NAA50: variants seen among roughly 807,000 people sequenced by gnomAD.
NAA50 encodes the protein N-alpha-acetyltransferase 50, NatE catalytic subunit, also known as N-alpha-acetyltransferase 50.
A neutral mutation model predicts 20.7 loss-of-function variants in NAA50; 7 were observed. The ratio of observed to expected loss-of-function variants is 0.34; its 90% confidence interval spans 0.19 to 0.63. The LOEUF is 0.63. Among genes scored for constraint, NAA50 ranks in the 30% least tolerant of loss-of-function variants. The pLI, the probability that NAA50 is intolerant of heterozygous loss-of-function variation, is 0.75. For synonymous variants in NAA50, 54 were observed against 70.6 expected (o/e 0.77, Z 1.18); for missense variants, 111 against 199.1 (o/e 0.56, Z 2.66).
Position 113,721,910 on chromosome 3 carries a change from T to C in NAA50, c.360A>G (p.Ala120=), listed in dbSNP as rs775371220. Residue 120 remains alanine, a synonymous_variant, in exon 5 of 5, where the codon GCA becomes GCG. Coordinates refer to ENST00000240922, the MANE Select transcript of NAA50 (RefSeq NM_025146.4). The part of the protein sequence containing the change: ...YLHVQISNES[A]IDFYRKFGFE... ...AGCCAAACTTCCTGTAGAAGTCAATTGCCGACTCATTGCTGATCTGGACAT... is the reference window on the plus strand; with the variant it reads ...AGCCAAACTTCCTGTAGAAGTCAATCGCCGACTCATTGCTGATCTGGACAT... 2.5e-6 allele frequency: 4 copies of C among 1,613,788 alleles called. No homozygotes were observed. Among genetic ancestry groups the C allele is most frequent in the Non-Finnish European group, 1.7e-6 (2 of 1,179,796 alleles).
chr3:113,724,811 G>A (rs554216096), intron 1 of NAA50, among the ~76,000 whole-genome samples: 3 of 152,190 alleles, frequency 2.0e-5, no homozygotes, highest in African/African-American at 7.2e-5. Context: ...TCTCGTGATA[G>A]TGAGTTCTCA....
At chr3:113,731,534 T>C (rs1708273245) in intron 1 of NAA50, among the ~76,000 whole-genome samples, 1 of 152,190 alleles carries the variant, frequency 6.6e-6, no homozygotes, top group South Asian at 2.1e-4. Flanking sequence ...CAGTGATTTT[T>C]TTACTATAAA....
At chr3:113,723,563 T>C (rs367628786) in intron 2 of NAA50, 22 bp from the exon 3 acceptor site, 3 of 1,593,064 alleles carry the variant, frequency 1.9e-6, no homozygotes, top group Non-Finnish European at 2.6e-6. Context: ...AACATAAAGA[T>C]ATAATGTTGA....
intron 1 of NAA50, among the ~76,000 whole-genome samples, chr3:113,732,998 TTTTG>T (rs1708290308): frequency 6.6e-6 from 1 of 152,134 alleles, no homozygotes; most frequent in Non-Finnish European, 1.5e-5. Flanking sequence ...TTGAGTATGT[TTTTG>T]TATGGCTATT....
At position 113,721,207 on chromosome 3, in the gene NAA50, A is replaced by G. The variant is rs1486531388; in HGVS notation, c.*553T>C. The stretch of plus-strand genomic sequence containing the variant: ...AAGATATAATTACTTAAAAATCAAC[A>G]TAAGCTTAGTATTTCTTACAAGGAT... On this transcript the variant is annotated 3_prime_UTR_variant, in exon 5 of 5. Coordinates refer to ENST00000240922, the MANE Select transcript of NAA50 (RefSeq NM_025146.4). The G allele has an allele frequency of 6.5e-6, 1 of 153,208 alleles. No homozygotes were observed. The allele number at this position is 153,208 out of a possible 1,614,324, so 9.5% of individuals were successfully genotyped here.
In NAA50 at chr3:113,720,201, A is replaced by C. The variant is rs1168874836; in HGVS notation, c.*1559T>G. Reference sequence around the variant, plus strand: ...TTTCACATTCTCAAATAAAAACTTAAGGTTATAAAGTGTGCATAAACATTT... The same window carrying C: ...TTTCACATTCTCAAATAAAAACTTACGGTTATAAAGTGTGCATAAACATTT... On this transcript the variant is annotated 3_prime_UTR_variant, in exon 5 of 5. Transcript: ENST00000240922. The C allele has an allele frequency of 1.3e-5, 2 of 152,618 alleles. No individual in the cohort carries two copies. The highest frequency in any genetic ancestry group is 4.8e-5 in the African/African-American group (2 of 41,460). 9.5% of individuals were successfully genotyped at this position (152,618 alleles called of 1,614,324 possible).
intron 1 of NAA50, among the ~76,000 whole-genome samples, chr3:113,740,398 G>A (rs952346664): frequency 1.3e-5 from 2 of 152,172 alleles, no homozygotes; most frequent in Non-Finnish European, 2.9e-5. Context: ...GTCTCCCTCT[G>A]TCACCCAGGC....
In NAA50 at chr3:113,719,054, ATTC is replaced by A. The variant is rs1435549529; in HGVS notation, c.*2703_*2705del. On this transcript the variant is annotated 3_prime_UTR_variant, in exon 5 of 5. Transcript: ENST00000240922. ...AGCAATGTTAAAATTGACAAGTTTA[ATTC>A]TTAACTGCACCAAGTAAACTTAGCC... is the stretch of plus-strand genomic sequence containing the variant. 6.5e-6 allele frequency: 1 copy of A among 152,680 alleles called. No homozygotes were observed. Among genetic ancestry groups the A allele is most frequent in the East Asian group, 1.9e-4 (1 of 5,204 alleles). 9.5% of individuals were successfully genotyped at this position (152,680 alleles called of 1,614,324 possible).
chr3:113,727,442 ATTTC>A (rs1708213525), intron 1 of NAA50, among the ~76,000 whole-genome samples: 1 of 152,136 alleles, frequency 6.6e-6, no homozygotes, highest in Admixed American at 6.5e-5. Context: ...AATACCAGGT[ATTTC>A]TTGACTTCAT....
chr3:113,716,703 C>G lies in NAA50; in HGVS notation c.*5057G>C, dbSNP rs1179951372. 6.6e-6 allele frequency: 1 copy of G among 152,164 alleles called. No homozygotes were observed. Among genetic ancestry groups the G allele is most frequent in the Non-Finnish European group, 1.5e-5 (1 of 68,032 alleles). 9.4% of individuals were successfully genotyped at this position (152,164 alleles called of 1,614,324 possible). A position where few individuals can be genotyped will look rare whatever the true frequency, so the allele number is the denominator to read the frequency against. On this transcript the variant is annotated 3_prime_UTR_variant, in exon 5 of 5. Coordinates refer to ENST00000240922, the MANE Select transcript of NAA50 (RefSeq NM_025146.4). The stretch of plus-strand genomic sequence containing the variant: ...GCTTAGATCCTTTGAGTTCAGATGT[C>G]TTGAGTTTTTGAGGACAGTAAAACA...
chr3:113,726,840 G>A (rs906993548), intron 1 of NAA50, among the ~76,000 whole-genome samples: 1 of 152,066 alleles, frequency 6.6e-6, no homozygotes. Context: ...AGACAGGGTT[G>A]CTCTGTTGCC....
rs1304648529 is a variant in NAA50 at position 113,719,197 on chromosome 3, G to A, written c.*2563C>T. On this transcript the variant is annotated 3_prime_UTR_variant, in exon 5 of 5. Coordinates refer to ENST00000240922, the MANE Select transcript of NAA50 (RefSeq NM_025146.4). ...TTTTGGAGGACTTTTCAATTGATGAGTAAACTGCTTTAGATATTTCAGAAC... is the reference window on the plus strand; with the variant it reads ...TTTTGGAGGACTTTTCAATTGATGAATAAACTGCTTTAGATATTTCAGAAC... The A allele has an allele frequency of 6.6e-6, 1 of 152,564 alleles. No homozygotes were observed. The highest frequency in any genetic ancestry group is 2.4e-5 in the African/African-American group (1 of 41,430). The allele number at this position is 152,564 out of a possible 1,614,324, so 9.5% of individuals were successfully genotyped here.
At chr3:113,723,585 AAC>A in intron 2 of NAA50, 44 bp from the exon 3 acceptor site, 1 of 1,552,640 alleles carries the variant, frequency 6.4e-7, no homozygotes, top group South Asian at 1.2e-5. Context: ...CAGACAGAAT[AAC>A]ACATTTAATC....
In NAA50 at chr3:113,719,822, C is replaced by G. The variant is rs1460704775; in HGVS notation, c.*1938G>C. On this transcript the variant is annotated 3_prime_UTR_variant, in exon 5 of 5. Transcript: ENST00000240922. Reference sequence around the variant, plus strand: ...GGTGAAATGGTTATAGAAATAGAGGCAGTGTCATCTCAGAAAACCATTTAT... The same window carrying G: ...GGTGAAATGGTTATAGAAATAGAGGGAGTGTCATCTCAGAAAACCATTTAT... The G allele has an allele frequency of 1.3e-5, 2 of 152,590 alleles. No individual in the cohort carries two copies. Among genetic ancestry groups the G allele is most frequent in the Non-Finnish European group, 1.5e-5 (1 of 67,990 alleles). The allele number at this position is 152,590 out of a possible 1,614,324, so 9.5% of individuals were successfully genotyped here. A position where few individuals can be genotyped will look rare whatever the true frequency, so the allele number is the denominator to read the frequency against.
intron 1 of NAA50, among the ~76,000 whole-genome samples, chr3:113,735,452 GA>G (rs776821209): frequency 2.4e-4 from 36 of 152,168 alleles, no homozygotes; most frequent in Non-Finnish European, 3.4e-4. Flanking sequence ...TCTGCTGAGG[GA>G]AACAAGGGCT....
chr3:113,732,764 G>A (rs1708287901), intron 1 of NAA50, among the ~76,000 whole-genome samples: 1 of 152,128 alleles, frequency 6.6e-6, no homozygotes, highest in Non-Finnish European at 1.5e-5. Flanking sequence ...AATTTTTGAA[G>A]GACACTATTT....
At chr3:113,722,075 A>T in intron 4 of NAA50, 138 bp from the exon 5 acceptor site, 1 of 734,326 alleles carries the variant, frequency 1.4e-6, no homozygotes, top group South Asian at 2.1e-5. Flanking sequence ...AGGCATGCTT[A>T]CCTAAAACCT....
At chr3:113,722,410 T>C (rs1708146790) in intron 4 of NAA50, among the ~76,000 whole-genome samples, 1 of 152,148 alleles carries the variant, frequency 6.6e-6, no homozygotes, top group Admixed American at 6.6e-5. Context: ...ATCTCTCACA[T>C]GGCCAAACTA....
chr3:113,719,655 T>TA lies in NAA50; in HGVS notation c.*2104dup, dbSNP rs1350317514. 1.3e-5 allele frequency: 2 copies of TA among 152,644 alleles called. No individual in the cohort carries two copies. The highest frequency in any genetic ancestry group is 6.5e-5 in the Admixed American group (1 of 15,300). The allele number at this position is 152,644 out of a possible 1,614,324, so 9.5% of individuals were successfully genotyped here. ...CTACCGTGGAAAAAGAAACTCTATA[T>TA]ATAATGATAGGGAGCCTACACACTC... On this transcript the variant is annotated 3_prime_UTR_variant, in exon 5 of 5. Transcript: ENST00000240922.
Sources: allele counts gnomAD v4.1 joint callset (sites outside exome capture counted in the v4.1 genomes callset), GRCh38; gene constraint gnomAD v4.1.1; transcripts MANE v1.5; gene names NCBI Gene and HGNC (gene_info 2026-07-23, HGNC 2026-07-21).